Variants in MRC1 observed in about 807,000 individuals in gnomAD.
The protein encoded by MRC1 is mannose receptor C-type 1.
MRC1 carries 62 observed loss-of-function variants against 102.9 expected under a neutral mutation model. The observed-to-expected ratio is 0.60, with a 90% CI of 0.49 to 0.74. The LOEUF is 0.74. Ranked by LOEUF, MRC1 falls within the 30% of genes least tolerant of loss-of-function variation. The pLI, the probability that MRC1 is intolerant of heterozygous loss-of-function variation, is 0.00. For synonymous variants in MRC1, 457 were observed against 298.4 expected (o/e 1.53, Z -5.48); for missense variants, 1,237 against 862.8 (o/e 1.43, Z -5.43).
At chr10:17,895,634 C>T (rs1258267312) in intron 23 of MRC1, among the ~76,000 whole-genome samples, 1 of 152,074 alleles carries the variant, frequency 6.6e-6, no homozygotes, top group Non-Finnish European at 1.5e-5. Context: ...ATGAAAACAA[C>T]ACAGTATGCA....
intron 7 of MRC1, among the ~76,000 whole-genome samples, chr10:17,850,438 T>TA (rs1219771856): frequency 2.0e-5 from 3 of 151,862 alleles, no homozygotes; most frequent in Non-Finnish European, 2.9e-5. Flanking sequence ...TCGTCTCTAC[T>TA]AAAAAAAATT....
At chr10:17,821,528 T>TA (rs1300664808) in intron 1 of MRC1, among the ~76,000 whole-genome samples, 12 of 151,884 alleles carry the variant, frequency 7.9e-5, no homozygotes, top group African/African-American at 2.4e-4. Context: ...TGTTTTTTTT[T>TA]AAAGATGAGA....
At chr10:17,905,797 C>G (rs1290925692) in intron 26 of MRC1, among the ~76,000 whole-genome samples, 1 of 152,106 alleles carries the variant, frequency 6.6e-6, no homozygotes, top group Non-Finnish European at 1.5e-5. Context: ...CCATGATCTT[C>G]CCTCTGCTAC....
intron 12 of MRC1, among the ~76,000 whole-genome samples, chr10:17,868,237 A>G (rs1833305471): frequency 6.6e-6 from 1 of 152,126 alleles, no homozygotes; most frequent in African/African-American, 2.4e-5. Context: ...ACTACCCAAG[A>G]CTGGGTAATT....
chr10:17,855,201 G>A (rs1333183943), intron 8 of MRC1, among the ~76,000 whole-genome samples: 2 of 152,064 alleles, frequency 1.3e-5, no homozygotes, highest in African/African-American at 4.8e-5. Context: ...TGGTGTGTTG[G>A]GTGCAGGAGA....
At chr10:17,866,530 C>G (rs926632513) in intron 11 of MRC1, 32 bp from the exon 12 acceptor site, 6 of 780,712 alleles carry the variant, frequency 7.7e-6, no homozygotes, top group Admixed American at 6.8e-5. Context: ...AGGCACCTGT[C>G]AAGTGAATTC....
chr10:17,833,221 T>C (rs1335652775), intron 3 of MRC1, among the ~76,000 whole-genome samples: 2 of 152,156 alleles, frequency 1.3e-5, no homozygotes, highest in Non-Finnish European at 2.9e-5. Flanking sequence ...CAAAGTCATC[T>C]TAAAAACAAG....
chr10:17,893,420 G>C (rs1833709165), intron 22 of MRC1, among the ~76,000 whole-genome samples: 1 of 152,172 alleles, frequency 6.6e-6, no homozygotes, highest in Non-Finnish European at 1.5e-5. Flanking sequence ...GCCTCTCAAA[G>C]TGCTGGGATT....
Position 17,863,613 on chromosome 10 carries a change from A to T in MRC1, c.1714A>T (p.Thr572Ser). 1.3e-6 allele frequency: 1 copy of T among 780,884 alleles called. No homozygotes were observed. 48.4% of individuals were successfully genotyped at this position (780,884 alleles called of 1,614,324 possible). ...YFWTGLSDIQTKGTFQWTIEE... is the reference protein window; with the variant it reads ...YFWTGLSDIQSKGTFQWTIEE... ...CTGGACAGGACTTTCAGATATACAA[A>T]CCAAAGGGACTTTTCAGTGGACCAT... Residue 572 changes from threonine (T) to serine (S), a missense_variant, in exon 11 of 30, where the codon ACC (threonine) becomes TCC (serine). Transcript: ENST00000569591.
At chr10:17,866,064 A>G (rs1833262270) in intron 11 of MRC1, among the ~76,000 whole-genome samples, 1 of 152,300 alleles carries the variant, frequency 6.6e-6, no homozygotes, top group African/African-American at 2.4e-5. Flanking sequence ...TTACAGTTCT[A>G]TGAGGCAGGT....
At chr10:17,833,889 A>G in intron 4 of MRC1, 50 bp downstream of exon 4, 1 of 776,228 alleles carries the variant, frequency 1.3e-6, no homozygotes, top group Admixed American at 1.7e-5. Flanking sequence ...TTATTTTTAT[A>G]TAATTTAACT....
chr10:17,846,622 C>A (rs1350381392), intron 6 of MRC1, among the ~76,000 whole-genome samples: 5 of 152,156 alleles, frequency 3.3e-5, no homozygotes, highest in Non-Finnish European at 2.9e-5. Flanking sequence ...CTTAGTTATT[C>A]TGTGACTATA....
intron 7 of MRC1, among the ~76,000 whole-genome samples, chr10:17,851,462 C>T (rs970333525): frequency 3.3e-5 from 5 of 152,094 alleles, no homozygotes; most frequent in South Asian, 4.2e-4. Flanking sequence ...GACCTATACA[C>T]GTAAGTTATG....
At chr10:17,844,751 C>T (rs1489648706) in intron 5 of MRC1, among the ~76,000 whole-genome samples, 1 of 152,156 alleles carries the variant, frequency 6.6e-6, no homozygotes, top group Admixed American at 6.5e-5. Flanking sequence ...ATCTCATAGT[C>T]CCCAGTTTCT....
At chr10:17,828,190 C>T (rs1305753776) in intron 3 of MRC1, among the ~76,000 whole-genome samples, 1 of 152,166 alleles carries the variant, frequency 6.6e-6, no homozygotes, top group Non-Finnish European at 1.5e-5. Context: ...CCTTCTCCTG[C>T]CTCAGCCTCC....
chr10:17,891,015 T>C (rs1833664662), intron 22 of MRC1, among the ~76,000 whole-genome samples: 1 of 151,686 alleles, frequency 6.6e-6, no homozygotes, highest in South Asian at 2.1e-4. Context: ...TTATGAGAAT[T>C]TAATGTCTGA....
At chr10:17,866,955 C>G (rs1466543069) in intron 12 of MRC1, among the ~76,000 whole-genome samples, 194 bp downstream of exon 12, 1 of 152,136 alleles carries the variant, frequency 6.6e-6, no homozygotes, top group Non-Finnish European at 1.5e-5. Flanking sequence ...TTTAGACCCA[C>G]AAATACAACC....
At chr10:17,897,686 T>G (rs1833774505) in intron 23 of MRC1, among the ~76,000 whole-genome samples, 1 of 152,210 alleles carries the variant, frequency 6.6e-6, no homozygotes, top group African/African-American at 2.4e-5. Context: ...AATGACACAA[T>G]CATCTATGTT....
chr10:17,854,776 C>A, intron 8 of MRC1: 1 of 195,924 alleles, frequency 5.1e-6, no homozygotes, highest in Non-Finnish European at 1.1e-5. Context: ...GCAACCTCTG[C>A]CTCGAGAGTT....
Sources: allele counts gnomAD v4.1 joint callset (sites outside exome capture counted in the v4.1 genomes callset), GRCh38; gene constraint gnomAD v4.1.1; transcripts MANE v1.5; gene names NCBI Gene and HGNC (gene_info 2026-07-23, HGNC 2026-07-21).